The following SNX29 variants were observed in gnomAD, a reference collection of about 807,000 sequenced individuals.
The protein encoded by SNX29 is sorting nexin-29.
Under a neutral mutation model 102.1 loss-of-function variants are expected in SNX29, and 78 were observed. The ratio of observed to expected loss-of-function variants is 0.76; its 90% CI spans 0.64 to 0.92. The LOEUF (loss-of-function observed/expected upper bound fraction) is 0.92. SNX29 is among the 40% of genes least tolerant of loss of function. The pLI is 0.00. For synonymous variants in SNX29, 580 were observed against 414.5 expected (o/e 1.40, Z -4.85); for missense variants, 1,280 against 1,061.7 (o/e 1.21, Z -2.86).
chr16:12,426,566 A>G (rs1425586967), intron 18 of SNX29, among the ~76,000 whole-genome samples: 1 of 152,224 alleles, frequency 6.6e-6, no homozygotes, highest in Non-Finnish European at 1.5e-5. Context: ...GGAAGGATAG[A>G]TATGTGTTAC....
chr16:12,506,391 G>A (rs373588984), intron 19 of SNX29, among the ~76,000 whole-genome samples: 2 of 152,188 alleles, frequency 1.3e-5, no homozygotes, highest in African/African-American at 4.8e-5. Flanking sequence ...ACTTGGTCTG[G>A]AAATGGGAAG....
At chr16:12,429,274 A>C (rs752718505) in intron 18 of SNX29, among the ~76,000 whole-genome samples, 17 of 152,250 alleles carry the variant, frequency 1.1e-4, no homozygotes, top group South Asian at 2.1e-4. Context: ...AGTTAGTCCC[A>C]CCACACAGAC....
intron 11 of SNX29, among the ~76,000 whole-genome samples, chr16:12,123,246 C>T (rs1215810850): frequency 6.6e-6 from 1 of 152,068 alleles, no homozygotes; most frequent in African/African-American, 2.4e-5. Context: ...ACATATACGC[C>T]ACCTCCCCGA....
chr16:12,459,647 C>G (rs2086693346), intron 18 of SNX29, among the ~76,000 whole-genome samples: 1 of 152,082 alleles, frequency 6.6e-6, no homozygotes, highest in South Asian at 2.1e-4. Context: ...ACCCTGAGCT[C>G]GGGAGGTGGA....
At chr16:12,162,577 G>A (rs188774796) in intron 13 of SNX29, among the ~76,000 whole-genome samples, 1 of 152,324 alleles carries the variant, frequency 6.6e-6, no homozygotes, top group African/African-American at 2.4e-5. Flanking sequence ...GAGCAGAAAT[G>A]TGTGGTAGGC....
chr16:12,192,796 G>A (rs550598530), intron 13 of SNX29, among the ~76,000 whole-genome samples: 5 of 152,216 alleles, frequency 3.3e-5, no homozygotes, highest in East Asian at 1.9e-4. Context: ...TCTGCCTCCC[G>A]GGTTCAAGCA....
intron 18 of SNX29, among the ~76,000 whole-genome samples, chr16:12,451,720 C>A (rs929737608): frequency 6.6e-6 from 1 of 152,142 alleles, no homozygotes; most frequent in African/African-American, 2.4e-5. Context: ...AAAAATTAGC[C>A]GGGCATGGTG....
intron 18 of SNX29, among the ~76,000 whole-genome samples, chr16:12,467,611 T>TGTTCGTTCGTTTGTTC (rs1404614273): frequency 7.3e-5 from 10 of 136,540 alleles, no homozygotes; most frequent in African/African-American, 2.9e-4. Context: ...TTTGTTCGTT[T>TGTTCGTTCGTTTGTTC]GTTCGTTCGT....
At chr16:12,008,346 C>T (rs891306641) in intron 3 of SNX29, among the ~76,000 whole-genome samples, 24 of 151,962 alleles carry the variant, frequency 1.6e-4, no homozygotes, top group Non-Finnish European at 1.0e-4. Flanking sequence ...CTTGGCTCAC[C>T]GCAACCTCTG....
intron 16 of SNX29, among the ~76,000 whole-genome samples, chr16:12,363,507 T>C (rs1043900433): frequency 1.3e-5 from 2 of 152,212 alleles, no homozygotes; most frequent in African/African-American, 4.8e-5. Flanking sequence ...AACATAGTGC[T>C]GACCATAGTG....
At chr16:12,554,711 A>G (rs1011511290) in intron 20 of SNX29, among the ~76,000 whole-genome samples, 32 of 152,186 alleles carry the variant, frequency 2.1e-4, no homozygotes, top group African/African-American at 6.0e-4. Context: ...GCCTGGTGAC[A>G]GCTGTCTTTC....
chr16:12,332,652 C>T (rs1476940858), intron 15 of SNX29, among the ~76,000 whole-genome samples: 3 of 152,126 alleles, frequency 2.0e-5, no homozygotes, highest in Non-Finnish European at 4.4e-5. Context: ...TCCTTAGGCC[C>T]ACCTTCCAGG....
chr16:12,343,980 A>C (rs1017798634), intron 15 of SNX29, among the ~76,000 whole-genome samples: 2 of 152,128 alleles, frequency 1.3e-5, no homozygotes, highest in African/African-American at 4.8e-5. Context: ...ACCCAGTGTG[A>C]GATAATTGAA....
chr16:11,980,967 T>TTC (rs1447175186), intron 1 of SNX29, among the ~76,000 whole-genome samples: 3 of 145,164 alleles, frequency 2.1e-5, no homozygotes, highest in East Asian at 2.1e-4. Context: ...TTCATTTTCT[T>TTC]TTTTTTTTTT....
chr16:12,026,736 A>G (rs1404510003), intron 3 of SNX29, among the ~76,000 whole-genome samples: 1 of 152,196 alleles, frequency 6.6e-6, no homozygotes, highest in Non-Finnish European at 1.5e-5. Context: ...TATTATTATT[A>G]TTTTTAGAGC....
At chr16:12,437,769 A>T (rs1449137509) in intron 18 of SNX29, among the ~76,000 whole-genome samples, 3 of 152,138 alleles carry the variant, frequency 2.0e-5, no homozygotes. Flanking sequence ...TCAAAAATGC[A>T]CGCTGGCTGC....
At chr16:12,321,018 C>G (rs1482302723) in intron 15 of SNX29, among the ~76,000 whole-genome samples, 1 of 152,156 alleles carries the variant, frequency 6.6e-6, no homozygotes, top group Admixed American at 6.5e-5. Flanking sequence ...TGAGCACAAC[C>G]TGTTGAAGAA....
intron 1 of SNX29, chr16:11,983,632 C>G: frequency 1.0e-6 from 1 of 985,248 alleles, no homozygotes; most frequent in Non-Finnish European, 1.2e-6. Context: ...AACAGTTGAC[C>G]CCCACCTCTG....
intron 20 of SNX29, chr16:12,545,615 G>A (rs1028654362): frequency 1.8e-4 from 27 of 152,296 alleles, no homozygotes; most frequent in African/African-American, 6.3e-4. Flanking sequence ...CAGAAAGCAA[G>A]GGTCTGGCTC....
Sources: gnomAD v4.1 joint callset for allele counts (sites outside exome capture counted in the v4.1 genomes callset) on GRCh38, gnomAD v4.1.1 for gene constraint, MANE v1.5 for transcripts, NCBI Gene and HGNC (gene_info 2026-07-23, HGNC 2026-07-21) for gene names.